Variants in SLC2A1 observed in about 807,000 individuals in gnomAD.
SLC2A1 encodes the protein solute carrier family 2 member 1.
A neutral mutation model predicts 46.6 loss-of-function variants in SLC2A1; 4 were observed. The observed-to-expected ratio is 0.09, with a 90% CI of 0.04 to 0.20. The LOEUF is 0.20. Among genes scored for constraint, SLC2A1 ranks in the 10% least tolerant of loss-of-function variants. The pLI is 1.00. For synonymous variants in SLC2A1, 253 were observed against 270.0 expected, an observed-to-expected ratio of 0.94 and a Z score of 0.62; for missense variants, 352 against 667.0, an observed-to-expected ratio of 0.53 and a Z score of 5.20.
intron 1 of SLC2A1, among the ~76,000 whole-genome samples, chr1:42,946,603 C>T (rs1643658329): frequency 6.6e-6 from 1 of 152,168 alleles, no homozygotes; most frequent in African/African-American, 2.4e-5. Flanking sequence ...GTGAAGGACA[C>T]ACAGAGAGTC....
At chr1:42,958,179 C>A (rs1456641209) in intron 1 of SLC2A1, among the ~76,000 whole-genome samples, 1 of 151,918 alleles carries the variant, frequency 6.6e-6, no homozygotes, top group Admixed American at 6.6e-5. Context: ...CCTGACTCCT[C>A]CGCGCGCCGG....
At position 42,926,707 on chromosome 1, in the gene SLC2A1, G is replaced by T. The variant is rs1325792697; in HGVS notation, c.*334C>A. ...AAGGCAAGTGTCTCGACAGGGCTTA[G>T]TCTCCACCCTCAGGCATGGAACCAT... On this transcript the variant is annotated 3_prime_UTR_variant, in exon 10 of 10. Coordinates refer to ENST00000426263, the MANE Select transcript of SLC2A1 (RefSeq NM_006516.4). 1 of 1,355,562 alleles carries T rather than the reference G, an allele frequency of 7.4e-7. No homozygotes were observed. The highest frequency in any genetic ancestry group is 1.5e-5 in the African/African-American group (1 of 68,482). The allele number at this position is 1,355,562 out of a possible 1,614,324, so 84.0% of individuals were successfully genotyped here.
rs991842362 is a variant in SLC2A1 at position 42,939,172 on chromosome 1, C to T, written c.114+4054G>A. On this transcript the variant is annotated intron_variant, in intron 2 of 9. Transcript: ENST00000426263. The stretch of plus-strand genomic sequence containing the variant: ...AGCCTACGCGGGCACAGGAGTCTCT[C>T]TGCCCTGTTACTACACATGGGCTCT... 6.6e-5 allele frequency among the ~76,000 whole-genome samples: 10 copies of T among 152,290 alleles called. No individual in the cohort carries two copies. The East Asian group carries it at 1.9e-3, about 29-fold the overall frequency.
At position 42,925,729 on chromosome 1, in the gene SLC2A1, G is replaced by A. The variant is rs375354722; in HGVS notation, c.*1312C>T. 1.3e-5 allele frequency: 2 copies of A among 152,156 alleles called. No homozygotes were observed. Among genetic ancestry groups the A allele is most frequent in the African/African-American group, 4.8e-5 (2 of 41,400 alleles). The allele number at this position is 152,156 out of a possible 1,614,324, so 9.4% of individuals were successfully genotyped here. On this transcript the variant is annotated 3_prime_UTR_variant, in exon 10 of 10. Transcript: ENST00000426263. ...TGGGGAGGGGTGCAGGAGGTGGGTG[G>A]AGTTAATGGAGTAGTGGTTGTATGG... is the stretch of plus-strand genomic sequence containing the variant.
intron 2 of SLC2A1, among the ~76,000 whole-genome samples, chr1:42,941,067 C>T (rs1171401174): frequency 6.6e-6 from 1 of 152,220 alleles, no homozygotes; most frequent in East Asian, 1.9e-4. Flanking sequence ...CATTCTTCCT[C>T]TGAGGGTTTG....
rs1249135503 is a variant in SLC2A1, at chr1:42,931,188, T to C, written c.133A>G (p.Asn45Asp). The change falls in exon 3 of 10, where the codon AAC becomes GAC. Residue 45 changes from asparagine to aspartate, a missense_variant. Asn to Asp is a conservative substitution (Grantham distance 23, BLOSUM62 1). Transcript: ENST00000426263. ...APQKVIEEFY[N>D]QTWVHRYGES... ...CCATAGCGGTGGACCCATGTCTGGT[T>C]GTAGAACTCCTCGATCACCTGCAGG... 6.2e-7 allele frequency: 1 copy of C among 1,613,904 alleles called. No homozygotes were observed. The highest frequency in any genetic ancestry group is 1.7e-5 in the Admixed American group (1 of 60,012).
Position 42,926,745 on chromosome 1 carries a change from C to T in SLC2A1, c.*296G>A. 1 of 1,400,492 alleles carries T rather than the reference C, an allele frequency of 7.1e-7. No homozygotes were observed. Among genetic ancestry groups the T allele is most frequent in the Non-Finnish European group, 9.4e-7 (1 of 1,061,932 alleles). The allele number at this position is 1,400,492 out of a possible 1,614,324, so 86.8% of individuals were successfully genotyped here. ...GGCATGGAACCATTCAGGGTGAAGC[C>T]TGGGATGTGGGCACAGGAGACTCAG... On this transcript the variant is annotated 3_prime_UTR_variant, in exon 10 of 10. Transcript: ENST00000426263.
Position 42,929,853 on chromosome 1 carries a change from G to A in SLC2A1, c.679+20C>T. The A allele has an allele frequency of 6.2e-7, 1 of 1,614,192 alleles. No individual in the cohort carries two copies. Among genetic ancestry groups the A allele is most frequent in the Non-Finnish European group, 8.5e-7 (1 of 1,180,006 alleles). On this transcript the variant is annotated intron_variant, in intron 5 of 9. Transcript: ENST00000426263. The surrounding 1 kb of genome is among the most constrained non-coding windows in gnomAD (Gnocchi z 6.0). ...GCCAGGGCTCAGGGAGTGGGGAGGA[G>A]GGCAGGGCCATGCCCGTACCACTCT...
chr1:42,951,840 A>G, intron 1 of SLC2A1: 1 of 400,416 alleles, frequency 2.5e-6, no homozygotes, highest in Non-Finnish European at 4.4e-6. Flanking sequence ...TAACCCCACA[A>G]TGCAACACTG....
rs1176412255 is a variant in SLC2A1, at chr1:42,927,395, T to C, written c.1279-154A>G. On this transcript the variant is annotated intron_variant, in intron 9 of 9. Transcript: ENST00000426263. The surrounding 1 kb of genome is among the most constrained non-coding windows in gnomAD (Gnocchi z 5.3). ...TCATAATTAACTGAGACCACGCTTG[T>C]ACCTAGAATGTAACAGGCTCCAGGA... Among the ~76,000 whole-genome samples the C allele has an allele frequency of 6.6e-6, 1 of 152,164 alleles. No homozygotes were observed. The highest frequency in any genetic ancestry group is 1.5e-5 in the Non-Finnish European group (1 of 68,004).
chr1:42,948,637 A>C (rs1643683233), intron 1 of SLC2A1, among the ~76,000 whole-genome samples: 1 of 152,208 alleles, frequency 6.6e-6, no homozygotes, highest in Non-Finnish European at 1.5e-5. Context: ...ATTAAAAGAA[A>C]GAACCTCAAG....
At position 42,927,667 on chromosome 1, in the gene SLC2A1, C is replaced by T. The variant is rs148800393; in HGVS notation, c.1216G>A (p.Val406Ile). 87 of 1,614,150 alleles carry T rather than the reference C, an allele frequency of 5.4e-5. No individual in the cohort carries two copies. The African/African-American group carries it at 9.1e-4, about 17-fold the overall frequency. The part of the protein sequence containing the change: ...SQGPRPAAIA[V>I]AGFSNWTSNF... The stretch of plus-strand genomic sequence containing the variant: ...GAGGTCCAGTTGGAGAAGCCTGCAA[C>T]GGCAATGGCAGCTGGACGTGGACCC... Residue 406 changes from valine (V) to isoleucine (I), a missense_variant, in exon 9 of 10, where the codon GTT becomes ATT. Val to Ile is a conservative substitution (Grantham distance 29). Transcript: ENST00000426263. This position sits in a 1 kb window ranked among gnomAD's most constrained non-coding sequence, Gnocchi z 5.3.
chr1:42,949,794 G>T (rs2297976), intron 1 of SLC2A1, among the ~76,000 whole-genome samples: 22,092 of 150,272 alleles, frequency 0.15, 1,816 homozygotes, highest in South Asian at 0.19. Context: ...AGAAATGAGA[G>T]AGAGGGAAAA....
At chr1:42,946,527 AG>A (rs1301620123) in intron 1 of SLC2A1, among the ~76,000 whole-genome samples, 2 of 152,202 alleles carry the variant, frequency 1.3e-5, no homozygotes, top group Non-Finnish European at 2.9e-5. Flanking sequence ...CTGGAGGGAA[AG>A]ATTTCCAGTT....
At chr1:42,943,413 A>G in intron 1 of SLC2A1, 92 bp from the exon 2 acceptor site, 1 of 943,536 alleles carries the variant, frequency 1.1e-6, no homozygotes. Context: ...GTGTTCAGAT[A>G]TCTTGCCTGA....
intron 1 of SLC2A1, chr1:42,951,575 GAGA>G: frequency 2.9e-6 from 1 of 347,854 alleles, no homozygotes; most frequent in East Asian, 4.2e-5. Context: ...CATGCACAAA[GAGA>G]AGTCTTTAGG....
At chr1:42,943,141 C>T in intron 2 of SLC2A1, 85 bp downstream of exon 2, 1 of 890,040 alleles carries the variant, frequency 1.1e-6, no homozygotes, top group African/African-American at 1.6e-5. Flanking sequence ...GACTCTAATT[C>T]AGGTGGTGGC....
chr1:42,941,879 G>A lies in SLC2A1; in HGVS notation c.114+1347C>T, dbSNP rs537942242. 3.3e-5 allele frequency among the ~76,000 whole-genome samples: 5 copies of A among 152,354 alleles called. 1 individual carries two copies. Among genetic ancestry groups the A allele is most frequent in the African/African-American group, 9.6e-5 (4 of 41,582 alleles). On this transcript the variant is annotated intron_variant, in intron 2 of 9. Coordinates refer to ENST00000426263, the MANE Select transcript of SLC2A1 (RefSeq NM_006516.4). ...CCAAGCATGGGCCCACGGTCTCCAT[G>A]CCCAGCAAACTTGGAAAAGTCCTGT... is the stretch of plus-strand genomic sequence containing the variant.
chr1:42,939,785 T>C (rs1643577484), intron 2 of SLC2A1, among the ~76,000 whole-genome samples: 1 of 151,888 alleles, frequency 6.6e-6, no homozygotes, highest in Admixed American at 6.6e-5. Context: ...CCATCTCTAC[T>C]AAAAACACAA....
Sources: allele counts gnomAD v4.1 joint callset (sites outside exome capture counted in the v4.1 genomes callset), GRCh38; gene constraint gnomAD v4.1.1; non-coding constraint Gnocchi (gnomAD v3.1); transcripts MANE v1.5; gene names NCBI Gene and HGNC (gene_info 2026-07-23, HGNC 2026-07-21).